Variants in CLPTM1 observed in about 807,000 individuals in gnomAD.
CLPTM1 encodes the protein CLPTM1 regulator of GABA type A receptor forward trafficking, also known as putative lipid scramblase CLPTM1.
In CLPTM1, 21 loss-of-function variants were observed where a neutral mutation model predicts 77.3. The ratio of observed to expected loss-of-function variants is 0.27; its 90% CI spans 0.19 to 0.39. The LOEUF (loss-of-function observed/expected upper bound fraction) is 0.39. CLPTM1 is among the 10% of genes least tolerant of loss of function. CLPTM1 has a pLI of 1.00. For missense variants in CLPTM1, 642 were observed against 921.2 expected (o/e 0.70, Z 3.92); for synonymous variants, 373 against 381.0 (o/e 0.98, Z 0.24).
At chr19:44,956,080 TGCGGATG>T (rs1394384480) in intron 1 of CLPTM1, among the ~76,000 whole-genome samples, 2 of 152,198 alleles carry the variant, frequency 1.3e-5, no homozygotes, top group Non-Finnish European at 2.9e-5. Flanking sequence ...TTAGTCCTGG[TGCGGATG>T]ACTTCTGCCC....
rs2075618 is a variant in CLPTM1 at position 44,992,410 on chromosome 19, G to T, written c.1723+10G>T. 5.6e-6 allele frequency: 9 copies of T among 1,613,658 alleles called. No homozygotes were observed. The East Asian group carries it at 8.9e-5, about 16-fold the overall frequency. On this transcript the variant is annotated intron_variant, in intron 13 of 13. Coordinates refer to ENST00000337392, the MANE Select transcript of CLPTM1 (RefSeq NM_001294.4). The surrounding 1 kb of genome is among the most constrained non-coding windows in gnomAD (Gnocchi z 7.7). Reference sequence around the variant, plus strand: ...GGCTGCCTGCGGGACGGTGAGGCCCGGTGGGCAGGTGGGAGCTCCCACCGG... The same window carrying T: ...GGCTGCCTGCGGGACGGTGAGGCCCTGTGGGCAGGTGGGAGCTCCCACCGG...
chr19:44,992,349 G>T lies in CLPTM1; in HGVS notation c.1672G>T (p.Ala558Ser). ...ALNTFIDDLF[A>S]FVIKMPVMYR... ...CAACACATTCATCGACGACCTGTTC[G>T]CCTTTGTCATCAAGATGCCCGTTAT... The change falls in exon 13 of 14, where the codon GCC becomes TCC. Residue 558 changes from alanine to serine, a missense_variant. Ala to Ser is a moderately conservative substitution (Grantham distance 99). This residue lies in a region of CLPTM1 where 521 missense variants were observed against 800.4 expected (regional missense o/e 0.65). Coordinates refer to ENST00000337392, the MANE Select transcript of CLPTM1 (RefSeq NM_001294.4). This position sits in a 1 kb window ranked among gnomAD's most constrained non-coding sequence, Gnocchi z 7.7. 5.6e-6 allele frequency: 9 copies of T among 1,614,116 alleles called. No homozygotes were observed. The highest frequency in any genetic ancestry group is 7.6e-6 in the Non-Finnish European group (9 of 1,179,990).
chr19:44,991,101 A>T lies in CLPTM1; in HGVS notation c.1420-137A>T. 1.4e-6 allele frequency: 2 copies of T among 1,444,634 alleles called. No homozygotes were observed. The highest frequency in any genetic ancestry group is 2.5e-5 in the South Asian group (2 of 80,578). The allele number at this position is 1,444,634 out of a possible 1,614,324, so 89.5% of individuals were successfully genotyped here. A position where few individuals can be genotyped will look rare whatever the true frequency, so the allele number is the denominator to read the frequency against. ...TCTGCCATAACTGCTTCCCTGGGCG[A>T]GTCCGGAGTCCCCAGGGCTACCTGG... On this transcript the variant is annotated intron_variant, in intron 11 of 13. Coordinates refer to ENST00000337392, the MANE Select transcript of CLPTM1 (RefSeq NM_001294.4). The surrounding 1 kb of genome is among the most constrained non-coding windows in gnomAD (Gnocchi z 5.4).
chr19:44,962,389 T>C (rs1460721238), intron 2 of CLPTM1, among the ~76,000 whole-genome samples: 2 of 152,136 alleles, frequency 1.3e-5, no homozygotes, highest in Admixed American at 1.3e-4. Flanking sequence ...ACGGAGTAGC[T>C]TAAACAACTG....
At chr19:44,960,962 C>G (rs1455775969) in intron 1 of CLPTM1, among the ~76,000 whole-genome samples, 2 of 152,142 alleles carry the variant, frequency 1.3e-5, no homozygotes, top group Non-Finnish European at 2.9e-5. Flanking sequence ...GAAGGGTGAG[C>G]AGAACATCCC....
Position 44,990,844 on chromosome 19 carries a change from C to T in CLPTM1, c.1324-6C>T, listed in dbSNP as rs767279571. 6.2e-7 allele frequency: 1 copy of T among 1,612,086 alleles called. No homozygotes were observed. Among genetic ancestry groups the T allele is most frequent in the South Asian group, 1.1e-5 (1 of 91,004 alleles). ...CAACTGACCATGGCACCCACCTCAT[C>T]CACAGCTGGACCGAGAGCACAGGGT... On this transcript the variant is annotated splice_polypyrimidine_tract_variant and splice_region_variant and intron_variant, in intron 10 of 13. Coordinates refer to ENST00000337392, the MANE Select transcript of CLPTM1 (RefSeq NM_001294.4). The surrounding 1 kb of genome is among the most constrained non-coding windows in gnomAD (Gnocchi z 4.8).
At position 44,985,276 on chromosome 19, in the gene CLPTM1, G is replaced by A. The variant is rs751999821; in HGVS notation, c.645G>A (p.Glu215=). ...FQKTKNLLTG[E]TEADPEMIKR... is the part of the protein sequence containing the mutation. Reference sequence around the variant, plus strand: ...AAACCAAGAACCTGCTGACAGGAGAGACAGAAGCGGACCCAGAAATGATCA... The same window carrying A: ...AAACCAAGAACCTGCTGACAGGAGAAACAGAAGCGGACCCAGAAATGATCA... Residue 215 remains glutamate, a synonymous_variant, in exon 6 of 14, where the codon GAG becomes GAA. Coordinates refer to ENST00000337392, the MANE Select transcript of CLPTM1 (RefSeq NM_001294.4). The A allele has an allele frequency of 6.2e-7, 1 of 1,613,570 alleles. No individual in the cohort carries two copies.
At chr19:44,977,092 C>A (rs546152166) in intron 4 of CLPTM1, among the ~76,000 whole-genome samples, 1 of 152,254 alleles carries the variant, frequency 6.6e-6, no homozygotes, top group South Asian at 2.1e-4. Context: ...TTCGCATCCT[C>A]TAGGTGGGGC....
At chr19:44,982,335 C>T (rs954882894) in intron 5 of CLPTM1, among the ~76,000 whole-genome samples, 3 of 145,558 alleles carry the variant, frequency 2.1e-5, no homozygotes, top group Admixed American at 7.0e-5. Flanking sequence ...GGCGACAGAG[C>T]GAGACTATGT....
At chr19:44,969,342 G>A (rs1203226540) in intron 2 of CLPTM1, among the ~76,000 whole-genome samples, 4 of 152,154 alleles carry the variant, frequency 2.6e-5, no homozygotes, top group Admixed American at 6.6e-5. Flanking sequence ...TGAAGATACT[G>A]TAGTTTAGAG....
At chr19:44,969,270 C>T (rs1970681761) in intron 2 of CLPTM1, among the ~76,000 whole-genome samples, 1 of 151,958 alleles carries the variant, frequency 6.6e-6, no homozygotes, top group Admixed American at 6.6e-5. Flanking sequence ...TGTTATTATC[C>T]CCATTTCAAC....
chr19:44,976,307 G>A (rs1372374038), intron 4 of CLPTM1, among the ~76,000 whole-genome samples: 1 of 152,210 alleles, frequency 6.6e-6, no homozygotes, highest in Non-Finnish European at 1.5e-5. Flanking sequence ...AAGCTTCAGG[G>A]TGGGGTCCAA....
In CLPTM1 at chr19:44,992,095, A is replaced by G; in HGVS notation, c.1556-138A>G. 4 of 802,172 alleles carry G rather than the reference A, an allele frequency of 5.0e-6. No individual in the cohort carries two copies. Among genetic ancestry groups the G allele is most frequent in the Non-Finnish European group, 6.0e-6 (3 of 503,112 alleles). The allele number at this position is 802,172 out of a possible 1,614,324, so 49.7% of individuals were successfully genotyped here. On this transcript the variant is annotated intron_variant, in intron 12 of 13. Transcript: ENST00000337392. The surrounding 1 kb of genome is among the most constrained non-coding windows in gnomAD (Gnocchi z 7.7). ...CCCCACCAGTGCAGAGGCCGCTGGTAGAGTGTGCCCAGGTATAGGAAGTGG... is the reference window on the plus strand; with the variant it reads ...CCCCACCAGTGCAGAGGCCGCTGGTGGAGTGTGCCCAGGTATAGGAAGTGG...
intron 2 of CLPTM1, among the ~76,000 whole-genome samples, chr19:44,970,584 T>C (rs1464729942): frequency 1.4e-5 from 2 of 145,510 alleles, no homozygotes; most frequent in Non-Finnish European, 3.0e-5. Flanking sequence ...TTTGTATTTT[T>C]TGTAGAAACT....
chr19:44,965,229 G>A (rs1022110980), intron 2 of CLPTM1, among the ~76,000 whole-genome samples: 2 of 152,238 alleles, frequency 1.3e-5, no homozygotes, highest in African/African-American at 4.8e-5. Context: ...GCCAGGTGCG[G>A]TGGCTCACGC....
In CLPTM1 at chr19:44,992,154, G is replaced by A; in HGVS notation, c.1556-79G>A. 1.4e-6 allele frequency: 2 copies of A among 1,474,762 alleles called. No individual in the cohort carries two copies. The highest frequency in any genetic ancestry group is 1.9e-6 in the Non-Finnish European group (2 of 1,067,414). The allele number at this position is 1,474,762 out of a possible 1,614,324, so 91.4% of individuals were successfully genotyped here. A position where few individuals can be genotyped will look rare whatever the true frequency, so the allele number is the denominator to read the frequency against. On this transcript the variant is annotated intron_variant, in intron 12 of 13. Transcript: ENST00000337392. This position sits in a 1 kb window ranked among gnomAD's most constrained non-coding sequence, Gnocchi z 7.7. ...GCCCAGGTGTAGGAAGTGGTGAGGG[G>A]GCTGGTATGGCCAGTGCAGAGTGCA...
rs1458053776 is a variant in CLPTM1, at chr19:44,992,958, C to A, written c.*61C>A. The A allele has an allele frequency of 1.3e-6, 2 of 1,548,826 alleles. No homozygotes were observed. Among genetic ancestry groups the A allele is most frequent in the Non-Finnish European group, 1.8e-6 (2 of 1,142,280 alleles). On this transcript the variant is annotated 3_prime_UTR_variant, in exon 14 of 14. Coordinates refer to ENST00000337392, the MANE Select transcript of CLPTM1 (RefSeq NM_001294.4). This position sits in a 1 kb window ranked among gnomAD's most constrained non-coding sequence, Gnocchi z 7.7. ...ACCACTACCCCTGCGTCCCGGCCCCCTCGCCTCCCCTCCCTGTCGCCCTTT... is the reference window on the plus strand; with the variant it reads ...ACCACTACCCCTGCGTCCCGGCCCCATCGCCTCCCCTCCCTGTCGCCCTTT...
At chr19:44,980,005 G>A (rs973536144) in intron 5 of CLPTM1, among the ~76,000 whole-genome samples, 1 of 152,190 alleles carries the variant, frequency 6.6e-6, no homozygotes, top group African/African-American at 2.4e-5. Flanking sequence ...TCTTTGGTGA[G>A]TGTGATCCAT....
chr19:44,982,510 C>T (rs949109767), intron 5 of CLPTM1, among the ~76,000 whole-genome samples: 4 of 152,200 alleles, frequency 2.6e-5, no homozygotes, highest in African/African-American at 4.8e-5. Flanking sequence ...TTTTTCCTCC[C>T]CACAGGAGCC....
Sources: gnomAD v4.1 joint callset for allele counts (sites outside exome capture counted in the v4.1 genomes callset) on GRCh38, gnomAD v4.1.1 for gene constraint, gnomAD v4.1.1 regional missense constraint, Gnocchi (gnomAD v3.1) non-coding constraint, MANE v1.5 for transcripts, NCBI Gene and HGNC (gene_info 2026-07-23, HGNC 2026-07-21) for gene names.